The following TOR1AIP2 variants were observed in gnomAD, a reference collection of about 807,000 sequenced individuals.
TOR1AIP2 encodes torsin-1A-interacting protein 2.
Under a neutral mutation model 32.6 loss-of-function variants are expected in TOR1AIP2, and 20 were observed. The observed-to-expected ratio is 0.61, with a 90% CI of 0.43 to 0.89. The LOEUF is 0.89. Among genes scored for constraint, TOR1AIP2 ranks in the 40% least tolerant of loss-of-function variants. TOR1AIP2 has a pLI of 0.00. For synonymous variants in TOR1AIP2, 214 were observed against 210.8 expected (o/e 1.02, Z -0.13); for missense variants, 456 against 553.8 (o/e 0.82, Z 1.77).
intron 6 of TOR1AIP2, 133 bp from the exon 7 acceptor site, chr1:179,846,961 G>GTT (rs1192303268): frequency 1.1e-6 from 1 of 926,266 alleles, no homozygotes; most frequent in African/African-American, 1.7e-5. Flanking sequence ...TGCATAAATT[G>GTT]TTTAAACTTT....
rs1007158020 is a variant in TOR1AIP2 at position 179,847,739 on chromosome 1, C to T, written c.554-103G>A. On this transcript the variant is annotated intron_variant, in intron 5 of 6. Transcript: ENST00000609928. ...ACCAAAGAATGATTTGACTAAAAGG[C>T]TTTCTATACCTTGGCCAGGTACGGT... 3.6e-5 allele frequency: 29 copies of T among 800,558 alleles called. 1 individual carries two copies. The African/African-American group carries it at 5.0e-4, about 14-fold the overall frequency. The allele number at this position is 800,558 out of a possible 1,614,324, so 49.6% of individuals were successfully genotyped here. A position where few individuals can be genotyped will look rare whatever the true frequency, so the allele number is the denominator to read the frequency against.
intron 4 of TOR1AIP2, among the ~76,000 whole-genome samples, chr1:179,852,290 G>A (rs1156714852): frequency 6.6e-6 from 1 of 151,240 alleles, no homozygotes; most frequent in African/African-American, 2.4e-5. Flanking sequence ...AGAAGAAGAG[G>A]AAGAAGAAAG....
chr1:179,847,781 C>T, intron 5 of TOR1AIP2, 145 bp from the exon 6 acceptor site: 1 of 614,148 alleles, frequency 1.6e-6, no homozygotes, highest in Non-Finnish European at 2.9e-6. Flanking sequence ...TGCCTGTAAT[C>T]CCAGCACTTT....
intron 5 of TOR1AIP2, among the ~76,000 whole-genome samples, chr1:179,848,926 C>T (rs536887745): frequency 1.1e-3 from 167 of 151,892 alleles, no homozygotes; most frequent in African/African-American, 3.5e-3. Context: ...GTCAGGAGAT[C>T]GAGACCATCC....
chr1:179,863,670 T>TA (rs1696647377), intron 3 of TOR1AIP2: 1 of 829,296 alleles, frequency 1.2e-6, no homozygotes, highest in Admixed American at 2.7e-4. Context: ...CACTATTTTT[T>TA]AAAAAGCAAA....
intron 3 of TOR1AIP2, among the ~76,000 whole-genome samples, chr1:179,853,335 A>G (rs1696184133): frequency 6.6e-6 from 1 of 152,222 alleles, no homozygotes; most frequent in African/African-American, 2.4e-5. Flanking sequence ...GTTTTCTCGA[A>G]GTATTCTTTT....
intron 2 of TOR1AIP2, chr1:179,868,046 A>T (rs938156725): frequency 5.9e-5 from 9 of 152,266 alleles, no homozygotes; most frequent in African/African-American, 2.2e-4. Flanking sequence ...TCCTGGCAAG[A>T]TTCCTAACCC....
chr1:179,870,057 T>G (rs1270298167), intron 2 of TOR1AIP2, among the ~76,000 whole-genome samples: 2 of 152,160 alleles, frequency 1.3e-5, no homozygotes, highest in African/African-American at 4.8e-5. Flanking sequence ...CACCAAAAAA[T>G]ACAGGATAAA....
chr1:179,846,455 G>T lies in TOR1AIP2; in HGVS notation c.1029C>A (p.Val343=). ...TCAGCTCCAGGTCAACCAACAGCTT[G>T]ACCGTGTCACTGTCCTGCCAGGTCC... The part of the protein sequence containing the change: ...AGRTWQDSDT[V]KLLVDLELSY... Residue 343 remains valine, a synonymous_variant, in exon 7 of 7, where the codon GTC becomes GTA. Coordinates refer to ENST00000609928, the MANE Select transcript of TOR1AIP2 (RefSeq NM_001199260.2). The T allele has an allele frequency of 6.2e-7, 1 of 1,614,140 alleles. No homozygotes were observed. The highest frequency in any genetic ancestry group is 1.1e-5 in the South Asian group (1 of 91,062).
In TOR1AIP2 at chr1:179,841,537, G is replaced by T. The variant is rs527952551; in HGVS notation, c.*4534C>A. The T allele has an allele frequency of 1.6e-4, 25 of 152,340 alleles. No homozygotes were observed. The highest frequency in any genetic ancestry group is 5.8e-4 in the African/African-American group (24 of 41,574). The allele number at this position is 152,340 out of a possible 1,614,324, so 9.4% of individuals were successfully genotyped here. A position where few individuals can be genotyped will look rare whatever the true frequency, so the allele number is the denominator to read the frequency against. ...TGAAGTAGGAGGATCATCCCCTTGA[G>T]GCCAGGAGGTCCAGGCTGCAGTGAG... On this transcript the variant is annotated 3_prime_UTR_variant, in exon 7 of 7. Coordinates refer to ENST00000609928, the MANE Select transcript of TOR1AIP2 (RefSeq NM_001199260.2).
chr1:179,870,220 A>G (rs1696959274), intron 2 of TOR1AIP2, among the ~76,000 whole-genome samples: 1 of 152,118 alleles, frequency 6.6e-6, no homozygotes, highest in Admixed American at 6.5e-5. Context: ...CACATGGTGA[A>G]ACCCTGTCTC....
intron 3 of TOR1AIP2, among the ~76,000 whole-genome samples, chr1:179,854,761 C>T (rs1222233374): frequency 2.0e-5 from 3 of 152,116 alleles, no homozygotes; most frequent in African/African-American, 7.2e-5. Context: ...ATCCCAGCTA[C>T]TCAGGAGGCT....
chr1:179,852,933 G>C, intron 3 of TOR1AIP2, 122 bp from the exon 4 acceptor site: 1 of 641,526 alleles, frequency 1.6e-6, no homozygotes, highest in Non-Finnish European at 2.1e-6. Flanking sequence ...AACTTTTTTC[G>C]TGAAGAAAAT....
At position 179,862,047 on chromosome 1, in the gene TOR1AIP2, T is replaced by C. The variant is rs746547133; in HGVS notation, c.-147+3389A>G. On this transcript the variant is annotated intron_variant, in intron 3 of 6. Transcript: ENST00000609928. ...AGATTCCTGGGCCCTACAAGCAACCTGAGGAATCAAAATTTCTAAAGCAGA... is the reference window on the plus strand; with the variant it reads ...AGATTCCTGGGCCCTACAAGCAACCCGAGGAATCAAAATTTCTAAAGCAGA... The C allele has an allele frequency of 1.1e-4, 112 of 985,386 alleles. No individual in the cohort carries two copies. In the Middle Eastern group the frequency reaches 2.1e-3, roughly 18 times the overall value. The allele number at this position is 985,386 out of a possible 1,614,324, so 61.0% of individuals were successfully genotyped here. A position where few individuals can be genotyped will look rare whatever the true frequency, so the allele number is the denominator to read the frequency against.
At chr1:179,860,654 A>C in intron 3 of TOR1AIP2, 2 of 984,768 alleles carry the variant, frequency 2.0e-6, no homozygotes, top group Non-Finnish European at 2.4e-6. Flanking sequence ...ATTATTACAC[A>C]ACCTTTTTCA....
intron 3 of TOR1AIP2, chr1:179,863,122 A>G (rs941364447): frequency 5.1e-6 from 2 of 390,638 alleles, no homozygotes; most frequent in Non-Finnish European, 6.9e-6. Context: ...GCTACTCGGG[A>G]GGCTGAGGCA....
rs763786096 is a variant in TOR1AIP2, at chr1:179,846,037, CAT to C, written c.*32_*33del. On this transcript the variant is annotated 3_prime_UTR_variant, in exon 7 of 7. Transcript: ENST00000609928. ...GTCTTTAAACAAACTTTTTCATAAA[CAT>C]ATACCTTCTGTAACCAACTCTGTGC... The C allele has an allele frequency of 5.0e-6, 8 of 1,584,260 alleles. No individual in the cohort carries two copies. The South Asian group carries it at 9.2e-5, about 18-fold the overall frequency.
rs1696095909 is a variant in TOR1AIP2, at chr1:179,851,053, T to G, written c.345A>C (p.Pro115=). Residue 115 remains proline, a synonymous_variant, in exon 5 of 7, where the codon CCA becomes CCC. Coordinates refer to ENST00000609928, the MANE Select transcript of TOR1AIP2 (RefSeq NM_001199260.2). ...TGTCACTTGGAGAATGGCTGGGATC[T>G]GGATCCAAGGGTTCTTTACCCAGAT... ...SENLGKEPLD[P]DPSHSPSDKV... The G allele has an allele frequency of 1.2e-6, 2 of 1,614,116 alleles. No homozygotes were observed. Among genetic ancestry groups the G allele is most frequent in the African/African-American group, 2.7e-5 (2 of 74,936 alleles).
In TOR1AIP2 at chr1:179,839,988, C is replaced by A. The variant is rs1695672417; in HGVS notation, c.*6083G>T. 6.6e-6 allele frequency: 1 copy of A among 152,174 alleles called. No homozygotes were observed. Among genetic ancestry groups the A allele is most frequent in the Non-Finnish European group, 1.5e-5 (1 of 68,022 alleles). The allele number at this position is 152,174 out of a possible 1,614,324, so 9.4% of individuals were successfully genotyped here. A position where few individuals can be genotyped will look rare whatever the true frequency, so the allele number is the denominator to read the frequency against. ...CCGCTGAAAAAAATTCAGATTTATT[C>A]TTTATTCTGGTAATGGCCAACTAAT... is the stretch of plus-strand genomic sequence containing the variant. On this transcript the variant is annotated 3_prime_UTR_variant, in exon 7 of 7. Coordinates refer to ENST00000609928, the MANE Select transcript of TOR1AIP2 (RefSeq NM_001199260.2).
Sources: allele counts gnomAD v4.1 joint callset (sites outside exome capture counted in the v4.1 genomes callset), GRCh38; gene constraint gnomAD v4.1.1; transcripts MANE v1.5; gene names NCBI Gene and HGNC (gene_info 2026-07-23, HGNC 2026-07-21).